LRRTM4: variants seen among roughly 807,000 people sequenced by gnomAD.
LRRTM4 encodes leucine-rich repeat transmembrane neuronal protein 4.
In LRRTM4, 25 loss-of-function variants were observed where a neutral mutation model predicts 47.6. The observed-to-expected ratio is 0.53, with a 90% CI of 0.38 to 0.73. The LOEUF is 0.73. Ranked by LOEUF, LRRTM4 falls within the 30% of genes least tolerant of loss-of-function variation. LRRTM4 has a pLI of 0.00. For missense variants in LRRTM4, 638 were observed against 713.4 expected (o/e 0.89, Z 1.20); for synonymous variants, 311 against 269.5 (o/e 1.15, Z -1.51).
At chr2:77,257,514 A>G (rs1162118061) in intron 3 of LRRTM4, among the ~76,000 whole-genome samples, 1 of 152,064 alleles carries the variant, frequency 6.6e-6, no homozygotes, top group Non-Finnish European at 1.5e-5. Context: ...TTTTTGCTGG[A>G]AAGTCCAACT....
intron 3 of LRRTM4, among the ~76,000 whole-genome samples, chr2:77,337,265 G>A (rs1334853879): frequency 6.6e-6 from 1 of 152,070 alleles, no homozygotes; most frequent in Non-Finnish European, 1.5e-5. Flanking sequence ...TTGTTTGGAA[G>A]AATCAAGGTC....
chr2:77,094,440 T>C (rs907930291), intron 3 of LRRTM4, among the ~76,000 whole-genome samples: 1 of 152,058 alleles, frequency 6.6e-6, no homozygotes, highest in Non-Finnish European at 1.5e-5. Flanking sequence ...CTGAAATTTG[T>C]ATGGAACCAG....
At chr2:77,256,216 C>T (rs891044767) in intron 3 of LRRTM4, among the ~76,000 whole-genome samples, 2 of 151,972 alleles carry the variant, frequency 1.3e-5, no homozygotes, top group Admixed American at 6.6e-5. Context: ...TATCACTACT[C>T]GGCCAATTTG....
intron 3 of LRRTM4, among the ~76,000 whole-genome samples, chr2:76,955,400 G>A (rs1675638637): frequency 6.6e-6 from 1 of 151,802 alleles, no homozygotes; most frequent in Non-Finnish European, 1.5e-5. Context: ...ACTTAAAACA[G>A]ATTGTTACCA....
chr2:76,865,433 T>A (rs1481085258), intron 3 of LRRTM4, among the ~76,000 whole-genome samples: 1 of 152,202 alleles, frequency 6.6e-6, no homozygotes, highest in Non-Finnish European at 1.5e-5. Context: ...AATAGGTTTA[T>A]AAAATTAGAG....
At chr2:77,180,643 CT>C (rs1427015633) in intron 3 of LRRTM4, among the ~76,000 whole-genome samples, 2 of 152,206 alleles carry the variant, frequency 1.3e-5, no homozygotes, top group East Asian at 3.9e-4. Flanking sequence ...ATGAAAATTA[CT>C]TTTTAATATC....
At chr2:77,023,960 A>G (rs180815692) in intron 3 of LRRTM4, among the ~76,000 whole-genome samples, 1 of 152,164 alleles carries the variant, frequency 6.6e-6, no homozygotes, top group Non-Finnish European at 1.5e-5. Context: ...TGGGAAGGAA[A>G]AAAAAAGATT....
chr2:77,227,955 T>A (rs1263349251), intron 3 of LRRTM4, among the ~76,000 whole-genome samples: 3 of 152,074 alleles, frequency 2.0e-5, no homozygotes, highest in African/African-American at 4.8e-5. Flanking sequence ...TGTTATTATT[T>A]AAAAAGTTAT....
In LRRTM4 at chr2:76,813,348, A is replaced by G. The variant is rs571780125; in HGVS notation, c.1552-64432T>C. Reference sequence around the variant, plus strand: ...TTCTGTCAGACAAGGACCATCTTTCATCAAATGTCTCATAAGATGTCTTTT... The same window carrying G: ...TTCTGTCAGACAAGGACCATCTTTCGTCAAATGTCTCATAAGATGTCTTTT... On this transcript the variant is annotated intron_variant, in intron 3 of 3. Coordinates refer to ENST00000409884, the MANE Select transcript of LRRTM4 (RefSeq NM_001134745.3). Among the ~76,000 whole-genome samples the G allele has an allele frequency of 1.1e-4, 16 of 152,284 alleles. No homozygotes were observed. The South Asian group carries it at 3.1e-3, about 30-fold the overall frequency.
chr2:77,030,882 G>C (rs909709856), intron 3 of LRRTM4, among the ~76,000 whole-genome samples: 142 of 152,244 alleles, frequency 9.3e-4, no homozygotes, highest in African/African-American at 3.2e-3. Flanking sequence ...TGTTCTTTCT[G>C]CCCCATCAAA....
chr2:77,439,360 A>T (rs1462548172), intron 3 of LRRTM4, among the ~76,000 whole-genome samples: 2 of 152,136 alleles, frequency 1.3e-5, no homozygotes, highest in African/African-American at 4.8e-5. Flanking sequence ...ATCTTATGAA[A>T]TAAAGAAAAA....
chr2:77,264,998 A>G (rs1007174525), intron 3 of LRRTM4, among the ~76,000 whole-genome samples: 1 of 152,124 alleles, frequency 6.6e-6, no homozygotes, highest in Non-Finnish European at 1.5e-5. Flanking sequence ...GGAAATTATA[A>G]TGAGCCATTC....
intron 3 of LRRTM4, among the ~76,000 whole-genome samples, chr2:77,457,933 T>C (rs1204734415): frequency 6.6e-6 from 1 of 152,174 alleles, no homozygotes. Flanking sequence ...GAGTTCACTC[T>C]GGCTTCAGTG....
intron 3 of LRRTM4, among the ~76,000 whole-genome samples, chr2:76,804,348 G>A (rs1435683371): frequency 6.6e-6 from 1 of 151,896 alleles, no homozygotes; most frequent in Non-Finnish European, 1.5e-5. Flanking sequence ...TTTGATAATT[G>A]CGTTGCTTGA....
At chr2:77,335,721 C>T (rs940974240) in intron 3 of LRRTM4, among the ~76,000 whole-genome samples, 4 of 152,138 alleles carry the variant, frequency 2.6e-5, no homozygotes, top group African/African-American at 7.2e-5. Context: ...CTATTTTGAA[C>T]ATTGATGAAT....
intron 3 of LRRTM4, among the ~76,000 whole-genome samples, chr2:77,480,275 G>A (rs1302669762): frequency 6.6e-6 from 1 of 152,130 alleles, no homozygotes; most frequent in Non-Finnish European, 1.5e-5. Context: ...AAGAAGACTG[G>A]CAGAGCCCTT....
chr2:77,100,771 C>CA (rs1482733215), intron 3 of LRRTM4, among the ~76,000 whole-genome samples: 1 of 150,210 alleles, frequency 6.7e-6, no homozygotes, highest in Non-Finnish European at 1.5e-5. Flanking sequence ...TGGTAGTCAT[C>CA]AAAAACCTTT....
At chr2:77,067,601 C>T (rs951405383) in intron 3 of LRRTM4, among the ~76,000 whole-genome samples, 1 of 150,288 alleles carries the variant, frequency 6.7e-6, no homozygotes, top group African/African-American at 2.5e-5. Context: ...AGAATCTTTC[C>T]AGAACTCAGG....
rs1671237408 is a variant in LRRTM4, at chr2:76,828,116, A to G, written c.1552-79200T>C. ...TCATTTATTTGGTCACTTCTTTGTT[A>G]CTATCAATTTTTGAAATAGAATTAT... On this transcript the variant is annotated intron_variant, in intron 3 of 3. Transcript: ENST00000409884. 2.6e-5 allele frequency among the ~76,000 whole-genome samples: 4 copies of G among 152,044 alleles called. No homozygotes were observed. The East Asian group carries it at 7.7e-4, about 29-fold the overall frequency.
Sources: gnomAD v4.1 joint callset for allele counts (sites outside exome capture counted in the v4.1 genomes callset) on GRCh38, gnomAD v4.1.1 for gene constraint, MANE v1.5 for transcripts, NCBI Gene and HGNC (gene_info 2026-07-23, HGNC 2026-07-21) for gene names.